Variants in ALDH6A1 observed in about 807,000 individuals in gnomAD.
The protein encoded by ALDH6A1 is aldehyde dehydrogenase 6 family member A1, also known as methylmalonate-semialdehyde/malonate-semialdehyde dehydrogenase [acylating], mitochondrial.
In ALDH6A1, 43 loss-of-function variants were observed where a neutral mutation model predicts 62.6. The ratio of observed to expected loss-of-function variants is 0.69; its 90% CI spans 0.54 to 0.89. The LOEUF (loss-of-function observed/expected upper bound fraction) is 0.89. ALDH6A1 is among the 40% of genes least tolerant of loss of function. The pLI is 0.00. For missense variants in ALDH6A1, 551 were observed against 661.3 expected (o/e 0.83, Z 1.83); for synonymous variants, 194 against 234.2 (o/e 0.83, Z 1.57).
At chr14:74,069,576 C>G (rs1035922637) in intron 6 of ALDH6A1, among the ~76,000 whole-genome samples, 41 of 151,642 alleles carry the variant, frequency 2.7e-4, no homozygotes, top group Admixed American at 2.7e-3. Context: ...TATGGTGAAA[C>G]CCTGTCTCTA....
At chr14:74,068,733 CTG>C (rs2060507325) in intron 7 of ALDH6A1, 125 bp downstream of exon 7, 3 of 1,149,948 alleles carry the variant, frequency 2.6e-6, no homozygotes, top group Admixed American at 2.0e-5. Flanking sequence ...CAGAGAGACT[CTG>C]TCTCAAAAAA....
chr14:74,066,519 T>C lies in ALDH6A1; in HGVS notation c.1224+186A>G, dbSNP rs538023622. Among the ~76,000 whole-genome samples the C allele has an allele frequency of 2.0e-5, 3 of 152,176 alleles. No individual in the cohort carries two copies. The South Asian group carries it at 6.2e-4, about 32-fold the overall frequency. ...GAAAGTCTGCAGACTGCTGGTATAG[T>C]GGAAAGAGTTTGGTTGGGAGTTAGA... On this transcript the variant is annotated intron_variant, in intron 9 of 11. Transcript: ENST00000553458.
intron 1 of ALDH6A1, among the ~76,000 whole-genome samples, chr14:74,080,197 T>C (rs1308868154): frequency 6.6e-6 from 1 of 151,970 alleles, no homozygotes; most frequent in Non-Finnish European, 1.5e-5. Flanking sequence ...CCTCCCTCTC[T>C]CTCTGCAGGG....
intron 1 of ALDH6A1, among the ~76,000 whole-genome samples, chr14:74,075,333 T>C (rs2060600434): frequency 6.6e-6 from 1 of 152,148 alleles, no homozygotes; most frequent in Non-Finnish European, 1.5e-5. Context: ...GCATGGTATC[T>C]AACACAATAG....
At chr14:74,067,865 C>T (rs2060492706) in intron 7 of ALDH6A1, among the ~76,000 whole-genome samples, 1 of 152,044 alleles carries the variant, frequency 6.6e-6, no homozygotes, top group Non-Finnish European at 1.5e-5. Flanking sequence ...GCGGAGGTTG[C>T]AGTGAGCCAA....
intron 1 of ALDH6A1, among the ~76,000 whole-genome samples, chr14:74,082,128 G>T (rs901213871): frequency 1.3e-5 from 2 of 152,236 alleles, no homozygotes; most frequent in South Asian, 4.1e-4. Flanking sequence ...TCACTTCAGC[G>T]TGGGAGGTCG....
intron 1 of ALDH6A1, among the ~76,000 whole-genome samples, chr14:74,081,588 G>C (rs1320200057): frequency 2.0e-5 from 3 of 152,098 alleles, no homozygotes; most frequent in Admixed American, 6.6e-5. Context: ...CCTGTGGCCA[G>C]TCACCCCAAA....
At chr14:74,070,494 G>A (rs1361941373) in intron 6 of ALDH6A1, among the ~76,000 whole-genome samples, 4 of 152,154 alleles carry the variant, frequency 2.6e-5, no homozygotes. Context: ...TCTCCAGTCT[G>A]GGCGACAGAG....
At chr14:74,072,120 AG>A in intron 4 of ALDH6A1, 82 bp downstream of exon 4, 3 of 1,599,214 alleles carry the variant, frequency 1.9e-6, no homozygotes, top group Non-Finnish European at 2.6e-6. Context: ...AGAGTAAGGG[AG>A]GGTGGCTGAA....
At chr14:74,072,800 G>A (rs1410575258) in intron 2 of ALDH6A1, among the ~76,000 whole-genome samples, 189 bp from the exon 3 acceptor site, 1 of 151,956 alleles carries the variant, frequency 6.6e-6, no homozygotes, top group African/African-American at 2.4e-5. Context: ...GTGTGTGTGT[G>A]TTTATTTTTT....
rs112520921 is a variant in ALDH6A1, at chr14:74,079,429, G to GT, written c.49-4413dup. On this transcript the variant is annotated intron_variant, in intron 1 of 11. Coordinates refer to ENST00000553458, the MANE Select transcript of ALDH6A1 (RefSeq NM_005589.4). ...ACCCGGCTAATTTTTTTTTCTTATT[G>GT]TTTTTTTTTTTTTTCTTTTTTTGAG... Among the ~76,000 whole-genome samples, 841 of 135,226 alleles carry GT rather than the reference G, an allele frequency of 6.2e-3. 21 individuals carry two copies. The East Asian group carries it at 0.086, about 14-fold the overall frequency. 88.7% of individuals were successfully genotyped at this position (135,226 alleles called of 152,430 possible).
intron 6 of ALDH6A1, among the ~76,000 whole-genome samples, chr14:74,070,346 C>T (rs2060531499): frequency 6.6e-6 from 1 of 151,910 alleles, no homozygotes; most frequent in Admixed American, 6.6e-5. Flanking sequence ...TGGTGAAACC[C>T]CATCTGTACT....
rs867760820 is a variant in ALDH6A1 at position 74,072,054 on chromosome 14, A to G, written c.349-80T>C. The G allele has an allele frequency of 4.9e-5, 77 of 1,566,424 alleles. No homozygotes were observed. In the African/African-American group the frequency reaches 8.5e-4, roughly 17 times the overall value. On this transcript the variant is annotated intron_variant, in intron 4 of 11. Coordinates refer to ENST00000553458, the MANE Select transcript of ALDH6A1 (RefSeq NM_005589.4). ...TCTGAGGTAGCAAAGGAAGAATAAG[A>G]CTGGAGGAGATGCAGTACAAGGGAG...
chr14:74,069,302 C>T (rs1270639129), intron 6 of ALDH6A1: 1 of 343,556 alleles, frequency 2.9e-6, no homozygotes, highest in East Asian at 7.8e-5. Context: ...CGGGGTTTCA[C>T]AATCTTGGCC....
In ALDH6A1 at chr14:74,065,450, A is replaced by AT. The variant is rs144626442; in HGVS notation, c.1225-91dup. On this transcript the variant is annotated intron_variant, in intron 9 of 11. Transcript: ENST00000553458. ...TTGGTACTTTCACTTACTACACATC[A>AT]TTTACGTGGACAACTTTCATATTAC... 1,630 of 1,149,730 alleles carry AT rather than the reference A, an allele frequency of 1.4e-3. 21 individuals carry two copies. The African/African-American group carries it at 0.023, about 16-fold the overall frequency. The allele number at this position is 1,149,730 out of a possible 1,614,324, so 71.2% of individuals were successfully genotyped here. A position where few individuals can be genotyped will look rare whatever the true frequency, so the allele number is the denominator to read the frequency against.
At chr14:74,067,664 T>A in intron 7 of ALDH6A1, 95 bp from the exon 8 acceptor site, 2 of 1,344,214 alleles carry the variant, frequency 1.5e-6, no homozygotes, top group East Asian at 4.6e-5. Flanking sequence ...GGCTAATGCC[T>A]GTAATCCCAG....
At chr14:74,076,088 G>A (rs1234381924) in intron 1 of ALDH6A1, among the ~76,000 whole-genome samples, 3 of 152,174 alleles carry the variant, frequency 2.0e-5, no homozygotes, top group Non-Finnish European at 2.9e-5. Context: ...ACTTTTTGGG[G>A]TGATGGACAT....
intron 11 of ALDH6A1, among the ~76,000 whole-genome samples, chr14:74,061,193 G>A (rs1355863705): frequency 6.6e-6 from 1 of 152,120 alleles, no homozygotes; most frequent in East Asian, 1.9e-4. Flanking sequence ...GGCCAGGCTG[G>A]TCTCGAACTC....
intron 5 of ALDH6A1, 184 bp from the exon 6 acceptor site, chr14:74,071,681 G>T: frequency 1.3e-6 from 2 of 1,505,986 alleles, no homozygotes; most frequent in Non-Finnish European, 1.8e-6. Flanking sequence ...AAAATACAGC[G>T]ATATGTATAT....
Sources: allele counts gnomAD v4.1 joint callset (sites outside exome capture counted in the v4.1 genomes callset), GRCh38; gene constraint gnomAD v4.1.1; transcripts MANE v1.5; gene names NCBI Gene and HGNC (gene_info 2026-07-23, HGNC 2026-07-21).